Variants in MTARC1 observed in about 807,000 individuals in gnomAD.
MTARC1 encodes mitochondrial amidoxime reducing component 1, also known as mitochondrial amidoxime-reducing component 1.
MTARC1 carries 24 observed loss-of-function variants against 33.6 expected under a neutral mutation model. The ratio of observed to expected loss-of-function variants is 0.72; its 90% confidence interval spans 0.52 to 1.01. The LOEUF (loss-of-function observed/expected upper bound fraction) is 1.01. Ranked by LOEUF, MTARC1 falls within the 50% of genes least tolerant of loss-of-function variation. MTARC1 has a pLI of 0.00. For missense variants in MTARC1, 417 were observed against 445.7 expected, an observed-to-expected ratio of 0.94 and a Z score of 0.58; for synonymous variants, 187 against 189.5, an observed-to-expected ratio of 0.99 and a Z score of 0.11.
At chr1:220,795,586 G>T (rs983455311) in intron 2 of MTARC1, among the ~76,000 whole-genome samples, 7 of 151,950 alleles carry the variant, frequency 4.6e-5, no homozygotes, top group Non-Finnish European at 7.4e-5. Flanking sequence ...GCTTTGTATG[G>T]CTACCTATAT....
In MTARC1 at chr1:220,815,491, CCCT is replaced by C. The variant is rs991251868; in HGVS notation, c.*2078_*2080del. ...CCACGTGGAAGGGAGCACCCAGAAA[CCCT>C]CCTCACTGGGCAGACCTGTCCTTCT... On this transcript the variant is annotated 3_prime_UTR_variant, in exon 7 of 7. Transcript: ENST00000366910. 6.6e-6 allele frequency: 1 copy of C among 152,236 alleles called. No homozygotes were observed. Among genetic ancestry groups the C allele is most frequent in the African/African-American group, 2.4e-5 (1 of 41,448 alleles). The allele number at this position is 152,236 out of a possible 1,614,324, so 9.4% of individuals were successfully genotyped here.
chr1:220,805,554 G>T (rs1179616736), intron 6 of MTARC1, among the ~76,000 whole-genome samples: 1 of 151,970 alleles, frequency 6.6e-6, no homozygotes, highest in African/African-American at 2.4e-5. Context: ...ATTTTATTAC[G>T]GGCTAAGTAT....
In MTARC1 at chr1:220,791,491, G is replaced by T. The variant is rs1463742155; in HGVS notation, c.276G>T (p.Arg92Ser). 1 of 1,613,780 alleles carries T rather than the reference G, an allele frequency of 6.2e-7. No homozygotes were observed. Among genetic ancestry groups the T allele is most frequent in the Non-Finnish European group, 8.5e-7 (1 of 1,179,890 alleles). The change falls in exon 2 of 7, where the codon AGG becomes AGT. Residue 92 changes from arginine to serine, a missense_variant and splice_region_variant. Physicochemically the swap from Arg to Ser is moderately radical, Grantham distance 110. Transcript: ENST00000366910. ...ATATCCTGTGTTTTGAAAACGGCAG[G>T]TTTTGGCTTGTGATCAACCAGGAGG... ...MGLRSGNLRDRFWLVINQEGN... is the reference protein window; with the variant it reads ...MGLRSGNLRDSFWLVINQEGN...
At chr1:220,795,895 C>A (rs953526459) in intron 2 of MTARC1, among the ~76,000 whole-genome samples, 2 of 152,074 alleles carry the variant, frequency 1.3e-5, no homozygotes, top group South Asian at 4.1e-4. Context: ...TAATGCTATA[C>A]CCAGGTGCCA....
rs1185550503 is a variant in MTARC1, at chr1:220,815,824, G to C, written c.*2406G>C. 1.3e-5 allele frequency: 2 copies of C among 152,180 alleles called. No homozygotes were observed. Among genetic ancestry groups the C allele is most frequent in the Non-Finnish European group, 2.9e-5 (2 of 68,038 alleles). The allele number at this position is 152,180 out of a possible 1,614,324, so 9.4% of individuals were successfully genotyped here. A position where few individuals can be genotyped will look rare whatever the true frequency, so the allele number is the denominator to read the frequency against. ...GATCAGGCCAAAATATCCACCCTCG[G>C]TGGGCATCTCCTCTGTGTGGCAACT... On this transcript the variant is annotated 3_prime_UTR_variant, in exon 7 of 7. Transcript: ENST00000366910.
At chr1:220,794,226 T>C (rs1479298364) in intron 2 of MTARC1, 2 of 151,302 alleles carry the variant, frequency 1.3e-5, no homozygotes, top group African/African-American at 4.9e-5. Flanking sequence ...ACTGAGAGGG[T>C]GCCTTGGTGG....
At chr1:220,810,133 A>C (rs915348816) in intron 6 of MTARC1, among the ~76,000 whole-genome samples, 1 of 152,246 alleles carries the variant, frequency 6.6e-6, no homozygotes, top group African/African-American at 2.4e-5. Flanking sequence ...TTAAGGAGAA[A>C]GTGCACTAAG....
At chr1:220,807,174 T>C (rs1308879774) in intron 6 of MTARC1, among the ~76,000 whole-genome samples, 1 of 151,796 alleles carries the variant, frequency 6.6e-6, no homozygotes, top group Non-Finnish European at 1.5e-5. Flanking sequence ...TTACTCTAGG[T>C]AATAATATTC....
chr1:220,812,975 C>T (rs1673181506), intron 6 of MTARC1, among the ~76,000 whole-genome samples: 1 of 152,194 alleles, frequency 6.6e-6, no homozygotes, highest in African/African-American at 2.4e-5. Context: ...ATCTGCCAGC[C>T]TCGGCCTCCC....
At chr1:220,802,194 T>C (rs1672833601) in intron 4 of MTARC1, among the ~76,000 whole-genome samples, 1 of 152,154 alleles carries the variant, frequency 6.6e-6, no homozygotes. Flanking sequence ...TCACCTGACA[T>C]AGGTCCCTCA....
chr1:220,806,583 A>G (rs1390956344), intron 6 of MTARC1, among the ~76,000 whole-genome samples: 1 of 152,112 alleles, frequency 6.6e-6, no homozygotes, highest in African/African-American at 2.4e-5. Flanking sequence ...TTTGGGGGCC[A>G]ATGATTCAGT....
rs1037672584 is a variant in MTARC1, at chr1:220,815,053, T to G, written c.*1635T>G. The G allele has an allele frequency of 6.6e-6, 1 of 152,260 alleles. No individual in the cohort carries two copies. Among genetic ancestry groups the G allele is most frequent in the Non-Finnish European group, 1.5e-5 (1 of 68,046 alleles). The allele number at this position is 152,260 out of a possible 1,614,324, so 9.4% of individuals were successfully genotyped here. A position where few individuals can be genotyped will look rare whatever the true frequency, so the allele number is the denominator to read the frequency against. ...GAATTATTACAGTTTGTTTTCTGCA[T>G]GCTTGGCATGAGGTGAATAATTACA... On this transcript the variant is annotated 3_prime_UTR_variant, in exon 7 of 7. Transcript: ENST00000366910.
chr1:220,805,043 G>A lies in MTARC1; in HGVS notation c.754-9G>A. On this transcript the variant is annotated splice_polypyrimidine_tract_variant and intron_variant, in intron 4 of 6. Transcript: ENST00000366910. ...AGATGCTCATGGGAATTTGTGCTTT[G>A]TCCCCTAGGATTCTTGGGATGAGCT... 1 of 1,614,094 alleles carries A rather than the reference G, an allele frequency of 6.2e-7. No homozygotes were observed. The highest frequency in any genetic ancestry group is 8.5e-7 in the Non-Finnish European group (1 of 1,179,994).
chr1:220,791,248 G>A (rs1255671115), intron 1 of MTARC1: 1 of 373,684 alleles, frequency 2.7e-6, no homozygotes, highest in Non-Finnish European at 4.9e-6. Context: ...CCATCAAAGA[G>A]CTCAAACTGT....
At position 220,787,001 on chromosome 1, in the gene MTARC1, G is replaced by A. The variant is rs1257343075; in HGVS notation, c.57G>A (p.Arg19=). ...LARFVLLAQS[R]PGWLGVAALG... ...GCTTTGTCCTCCTCGCGCAATCCCG[G>A]CCCGGGTGGCTCGGGGTTGCCGCGC... Residue 19 remains arginine (R), a synonymous_variant, in exon 1 of 7, where the codon CGG becomes CGA. Coordinates refer to ENST00000366910, the MANE Select transcript of MTARC1 (RefSeq NM_022746.4). 11 of 1,299,376 alleles carry A rather than the reference G, an allele frequency of 8.5e-6. No homozygotes were observed. In the East Asian group the frequency reaches 2.8e-4, roughly 33 times the overall value. 80.5% of individuals were successfully genotyped at this position (1,299,376 alleles called of 1,614,324 possible).
Position 220,805,473 on chromosome 1 carries a change from C to A in MTARC1, c.887+199C>A, listed in dbSNP as rs2102604415. On this transcript the variant is annotated intron_variant, in intron 6 of 6. Coordinates refer to ENST00000366910, the MANE Select transcript of MTARC1 (RefSeq NM_022746.4). Reference sequence around the variant, plus strand: ...ACCAACATGTCTGCTTAAACAAGTACTTTTATTTTTCATTTAGAAATCATA... The same window carrying A: ...ACCAACATGTCTGCTTAAACAAGTAATTTTATTTTTCATTTAGAAATCATA... 1.3e-5 allele frequency among the ~76,000 whole-genome samples: 2 copies of A among 152,284 alleles called. 1 individual carries two copies. Among genetic ancestry groups the A allele is most frequent in the South Asian group, 4.1e-4 (2 of 4,824 alleles).
At chr1:220,790,877 C>T (rs1467416082) in intron 1 of MTARC1, 1 of 152,056 alleles carries the variant, frequency 6.6e-6, no homozygotes, top group African/African-American at 2.4e-5. Context: ...TACCTGTAGA[C>T]CAGGAATACT....
At chr1:220,790,589 C>A (rs1672392053) in intron 1 of MTARC1, among the ~76,000 whole-genome samples, 1 of 152,168 alleles carries the variant, frequency 6.6e-6, no homozygotes, top group Admixed American at 6.5e-5. Flanking sequence ...TGTAGCTGAA[C>A]AACTCAACCA....
At chr1:220,806,992 A>G (rs1416449607) in intron 6 of MTARC1, among the ~76,000 whole-genome samples, 1 of 152,232 alleles carries the variant, frequency 6.6e-6, no homozygotes, top group African/African-American at 2.4e-5. Context: ...ATCAACATTC[A>G]AAGAGGGGGC....
Sources: gnomAD v4.1 joint callset for allele counts (sites outside exome capture counted in the v4.1 genomes callset) on GRCh38, gnomAD v4.1.1 for gene constraint, MANE v1.5 for transcripts, NCBI Gene and HGNC (gene_info 2026-07-23, HGNC 2026-07-21) for gene names.